MSH4: variants seen among roughly 807,000 people sequenced by gnomAD.
MSH4 encodes the protein mutS protein homolog 4.
Under a neutral mutation model 113.7 loss-of-function variants are expected in MSH4, and 106 were observed. The ratio of observed to expected loss-of-function variants is 0.93; its 90% CI spans 0.80 to 1.10. The LOEUF (loss-of-function observed/expected upper bound fraction) is 1.10, where lower values mean the gene tolerates loss of function less well. Ranked by LOEUF, MSH4 falls within the 50% of genes least tolerant of loss-of-function variation. The probability of loss-of-function intolerance (pLI) is 0.00; values close to 1 mark genes in which losing one functional copy is unlikely to be tolerated. For missense variants in MSH4, 1,061 were observed against 1,093.7 expected, an observed-to-expected ratio of 0.97 and a Z score of 0.42; for synonymous variants, 368 against 380.2, an observed-to-expected ratio of 0.97 and a Z score of 0.37.
intron 8 of MSH4, among the ~76,000 whole-genome samples, chr1:75,857,771 A>C (rs1436498287): frequency 6.6e-6 from 1 of 152,124 alleles, no homozygotes; most frequent in Non-Finnish European, 1.5e-5. Context: ...GTTCCATATG[A>C]ACTTTAAAAT....
intron 1 of MSH4, among the ~76,000 whole-genome samples, chr1:75,803,012 G>T (rs1289685372): frequency 6.6e-6 from 1 of 152,004 alleles, no homozygotes; most frequent in African/African-American, 2.4e-5. Flanking sequence ...ATCATGAATG[G>T]ATTAATTCAT....
At chr1:75,798,223 C>A (rs916547906) in intron 1 of MSH4, among the ~76,000 whole-genome samples, 1 of 152,160 alleles carries the variant, frequency 6.6e-6, no homozygotes, top group Non-Finnish European at 1.5e-5. Context: ...TCTGCCCAAG[C>A]ATTGGGATTA....
rs1557485052 is a variant in MSH4, at chr1:75,796,884, G to C, written c.-102G>C. The C allele has an allele frequency of 6.5e-7, 1 of 1,535,338 alleles. No homozygotes were observed. The highest frequency in any genetic ancestry group is 8.9e-7 in the Non-Finnish European group (1 of 1,128,904). On this transcript the variant is annotated 5_prime_UTR_variant, in exon 1 of 20. Transcript: ENST00000263187. ...GCAGTGCAGCTTAGTGCGTCGGCGC[G>C]CAGTTCTCCCGCCCGTTTCAGCGGC...
At chr1:75,887,305 G>A (rs1375834310) in intron 15 of MSH4, among the ~76,000 whole-genome samples, 3 of 152,030 alleles carry the variant, frequency 2.0e-5, no homozygotes, top group African/African-American at 7.2e-5. Context: ...ATATGAGGAC[G>A]GTCCTTGCTT....
chr1:75,833,801 G>A (rs569507198), intron 7 of MSH4, among the ~76,000 whole-genome samples: 6 of 152,180 alleles, frequency 3.9e-5, no homozygotes, highest in East Asian at 3.9e-4. Flanking sequence ...GATTAAAGAC[G>A]CAAATGTTAG....
At chr1:75,869,492 A>G (rs564183507) in intron 9 of MSH4, among the ~76,000 whole-genome samples, 1 of 152,186 alleles carries the variant, frequency 6.6e-6, no homozygotes, top group Non-Finnish European at 1.5e-5. Context: ...CCTTTATGGC[A>G]GCCCCTTCCA....
intron 7 of MSH4, among the ~76,000 whole-genome samples, chr1:75,826,193 G>C (rs899617737): frequency 2.0e-5 from 3 of 152,104 alleles, no homozygotes; most frequent in African/African-American, 7.2e-5. Flanking sequence ...TTAGTCTTGG[G>C]AGGGTGTATG....
chr1:75,818,192 T>A (rs544292525), intron 6 of MSH4, among the ~76,000 whole-genome samples: 2 of 152,340 alleles, frequency 1.3e-5, no homozygotes, highest in East Asian at 3.9e-4. Flanking sequence ...AGAAATCAGA[T>A]CTTGTAACTC....
At chr1:75,836,134 A>G (rs898173668) in intron 7 of MSH4, among the ~76,000 whole-genome samples, 5 of 152,290 alleles carry the variant, frequency 3.3e-5, no homozygotes, top group Admixed American at 1.3e-4. Flanking sequence ...AAACCTGAAT[A>G]TAACTTAAAC....
Position 75,824,950 on chromosome 1 carries a change from T to C in MSH4, c.1162+2369T>C, listed in dbSNP as rs867365943. Among the ~76,000 whole-genome samples, 5 of 150,608 alleles carry C rather than the reference T, an allele frequency of 3.3e-5. No individual in the cohort carries two copies. The South Asian group carries it at 1.0e-3, about 31-fold the overall frequency. On this transcript the variant is annotated intron_variant, in intron 7 of 19. Coordinates refer to ENST00000263187, the MANE Select transcript of MSH4 (RefSeq NM_002440.4). The stretch of plus-strand genomic sequence containing the variant: ...GGATTGTTTTGGCTATATGATCTCT[T>C]TTTTCATTCCATATGAAATTTAAAG...
intron 15 of MSH4, among the ~76,000 whole-genome samples, chr1:75,884,949 A>ATATATATG (rs1181441080): frequency 2.0e-5 from 3 of 149,964 alleles, no homozygotes; most frequent in Non-Finnish European, 3.0e-5. Flanking sequence ...TGAGGAGCTA[A>ATATATATG]TATATATGTA....
intron 1 of MSH4, among the ~76,000 whole-genome samples, chr1:75,799,280 T>G (rs970557674): frequency 6.6e-6 from 1 of 151,420 alleles, no homozygotes; most frequent in Non-Finnish European, 1.5e-5. Flanking sequence ...CAGAGTAGAT[T>G]TTTTTTTTGT....
chr1:75,880,280 AGTCTGTCTTT>A, intron 13 of MSH4, 127 bp downstream of exon 13: 1 of 578,780 alleles, frequency 1.7e-6, no homozygotes, highest in South Asian at 2.5e-5. Flanking sequence ...TAGCAAAGGA[AGTCTGTCTTT>A]GTGATTAGAA....
At chr1:75,902,178 A>T (rs1051779497) in intron 19 of MSH4, among the ~76,000 whole-genome samples, 1 of 152,032 alleles carries the variant, frequency 6.6e-6, no homozygotes, top group African/African-American at 2.4e-5. Flanking sequence ...TTGCAATAAT[A>T]TATCCACATT....
At chr1:75,904,809 A>C (rs1025135843) in intron 19 of MSH4, among the ~76,000 whole-genome samples, 11 of 151,920 alleles carry the variant, frequency 7.2e-5, no homozygotes, top group African/African-American at 2.4e-4. Context: ...CTATTTCTTC[A>C]TGCTTCAATC....
At chr1:75,904,770 A>G (rs1230177479) in intron 19 of MSH4, among the ~76,000 whole-genome samples, 1 of 152,056 alleles carries the variant, frequency 6.6e-6, no homozygotes, top group Non-Finnish European at 1.5e-5. Flanking sequence ...CTTCAATCTC[A>G]TTATTCATTA....
Position 75,848,486 on chromosome 1 carries a change from A to G in MSH4, c.1230+210A>G, listed in dbSNP as rs537521186. Among the ~76,000 whole-genome samples, 118 of 152,316 alleles carry G rather than the reference A, an allele frequency of 7.7e-4. 1 individual carries two copies. In the South Asian group the frequency reaches 0.024, roughly 30 times the overall value. On this transcript the variant is annotated intron_variant, in intron 8 of 19. Transcript: ENST00000263187. The stretch of plus-strand genomic sequence containing the variant: ...GTGAAATTTAAAATTTCAGCCCGGC[A>G]TGGTGGCTCATGCCTATAATCCCAA...
intron 18 of MSH4, 77 bp from the exon 19 acceptor site, chr1:75,899,541 A>G: frequency 1.3e-6 from 1 of 750,476 alleles, no homozygotes; most frequent in East Asian, 3.0e-5. Context: ...TGACTAAAAG[A>G]TTAATACTAG....
intron 7 of MSH4, among the ~76,000 whole-genome samples, chr1:75,845,278 C>T (rs1651051621): frequency 6.6e-6 from 1 of 152,190 alleles, no homozygotes; most frequent in Non-Finnish European, 1.5e-5. Flanking sequence ...CTTGTTTCAA[C>T]ACTTACTCAA....
Sources: allele counts gnomAD v4.1 joint callset (sites outside exome capture counted in the v4.1 genomes callset), GRCh38; gene constraint gnomAD v4.1.1; transcripts MANE v1.5; gene names NCBI Gene and HGNC (gene_info 2026-07-23, HGNC 2026-07-21).